The following CHAF1A variants were observed in gnomAD, a reference collection of about 807,000 sequenced individuals.
CHAF1A encodes chromatin assembly factor 1 subunit A.
A neutral mutation model predicts 93.2 loss-of-function variants in CHAF1A; 5 were observed. The observed-to-expected ratio is 0.05, with a 90% CI of 0.03 to 0.11. The LOEUF is 0.11. Ranked by LOEUF, CHAF1A falls within the 10% of genes least tolerant of loss-of-function variation. CHAF1A has a pLI of 1.00. For missense variants in CHAF1A, 1,102 were observed against 1,259.9 expected (o/e 0.87, Z 1.90); for synonymous variants, 504 against 510.3 (o/e 0.99, Z 0.17).
At chr19:4,412,637 G>A (rs1973826703) in intron 3 of CHAF1A, among the ~76,000 whole-genome samples, 1 of 152,142 alleles carries the variant, frequency 6.6e-6, no homozygotes, top group Non-Finnish European at 1.5e-5. Context: ...AAGTCCCCTC[G>A]TTGGGCATCA....
At chr19:4,406,271 C>T (rs1973678216) in intron 2 of CHAF1A, among the ~76,000 whole-genome samples, 1 of 152,146 alleles carries the variant, frequency 6.6e-6, no homozygotes, top group Non-Finnish European at 1.5e-5. Flanking sequence ...TCCTCCAAGT[C>T]GTAACAACCA....
At chr19:4,437,359 T>C (rs978146391) in intron 13 of CHAF1A, among the ~76,000 whole-genome samples, 1 of 151,976 alleles carries the variant, frequency 6.6e-6, no homozygotes, top group East Asian at 1.9e-4. Flanking sequence ...TGGCATCCTC[T>C]GTTTTTTTTT....
rs2145134044 is a variant in CHAF1A, at chr19:4,433,298, G to A, written c.2432G>A (p.Arg811Gln). Residue 811 changes from arginine (R) to glutamine (Q), a missense_variant, in exon 13 of 15, where the codon CGG becomes CAG. Coordinates refer to ENST00000301280, the MANE Select transcript of CHAF1A (RefSeq NM_005483.3). The surrounding 1 kb of genome is among the most constrained non-coding windows in gnomAD (Gnocchi z 5.6). ...LISENSVYEKRPDFRMCWYVH... is the reference protein window; with the variant it reads ...LISENSVYEKQPDFRMCWYVH... ...TCCGAGAACTCAGTGTATGAGAAGC[G>A]GCCTGACTTCAGGATGTGCTGGTAC... is the stretch of plus-strand genomic sequence containing the variant. 2 of 1,614,174 alleles carry A rather than the reference G, an allele frequency of 1.2e-6. No homozygotes were observed. The highest frequency in any genetic ancestry group is 1.7e-6 in the Non-Finnish European group (2 of 1,180,042).
At chr19:4,407,013 G>A (rs1248151762) in intron 2 of CHAF1A, among the ~76,000 whole-genome samples, 1 of 152,052 alleles carries the variant, frequency 6.6e-6, no homozygotes, top group Non-Finnish European at 1.5e-5. Context: ...TCTGAGCTCA[G>A]GAGTTTGAAA....
downstream of CHAF1A, chr19:4,446,232 A>G: frequency 6.3e-7 from 1 of 1,577,792 alleles, no homozygotes; most frequent in African/African-American, 1.3e-5. Flanking sequence ...GGTGGGGCCC[A>G]GGGCCCCCTA....
chr19:4,427,913 G>A (rs538764070), intron 7 of CHAF1A, among the ~76,000 whole-genome samples: 6 of 152,108 alleles, frequency 3.9e-5, no homozygotes, highest in East Asian at 3.9e-4. Context: ...TAGTAGAGAC[G>A]GGGTTTCACC....
downstream of CHAF1A, among the ~76,000 whole-genome samples, chr19:4,443,992 G>A (rs1272295778): frequency 3.9e-5 from 6 of 152,196 alleles, no homozygotes; most frequent in East Asian, 1.2e-3. Flanking sequence ...CATCCACCCA[G>A]TCAGGGACGG....
downstream of CHAF1A, chr19:4,446,422 G>A (rs752766527): frequency 1.8e-5 from 29 of 1,576,966 alleles, no homozygotes; most frequent in East Asian, 4.5e-5. Flanking sequence ...ACCTGCACAC[G>A]CGGGCCAGGT....
downstream of CHAF1A, chr19:4,445,609 G>C: frequency 6.2e-7 from 1 of 1,613,278 alleles, no homozygotes. Flanking sequence ...AGAAGGTCAG[G>C]AGGGCAGAGG....
intron 3 of CHAF1A, among the ~76,000 whole-genome samples, chr19:4,410,842 C>A (rs898163109): frequency 2.5e-4 from 38 of 152,108 alleles, no homozygotes; most frequent in African/African-American, 8.5e-4. Context: ...CAGAGCGAGA[C>A]CCCATCTGGA....
At chr19:4,448,191 C>T (rs551072102), downstream of CHAF1A, 55 of 829,890 alleles carry the variant, frequency 6.6e-5, no homozygotes, top group Middle Eastern at 5.7e-4. Context: ...GCCTCACTCT[C>T]GGCCTATGCT....
At position 4,408,913 on chromosome 19, in the gene CHAF1A, G is replaced by T. The variant is rs144933262; in HGVS notation, c.114G>T (p.Pro38=). The T allele has an allele frequency of 6.2e-7, 1 of 1,603,582 alleles. No homozygotes were observed. The highest frequency in any genetic ancestry group is 8.5e-7 in the Non-Finnish European group (1 of 1,176,488). Residue 38 remains proline (P), a synonymous_variant, in exon 3 of 15, where the codon CCG becomes CCT. Transcript: ENST00000301280. Reference sequence around the variant, plus strand: ...CTGTCTTTGTTTCAGCCCGTCTGCCGTTTAAGCGCCTGAATCTTGTCCCAA... The same window carrying T: ...CTGTCTTTGTTTCAGCCCGTCTGCCTTTTAAGCGCCTGAATCTTGTCCCAA... ...PVKKLIQARL[P]FKRLNLVPKG...
intron 3 of CHAF1A, among the ~76,000 whole-genome samples, chr19:4,412,546 AG>A (rs1599641186): frequency 6.6e-6 from 1 of 152,256 alleles, no homozygotes; most frequent in East Asian, 1.9e-4. Context: ...CTCCGTCTCA[AG>A]AAAAAAAAAA....
At position 4,443,014 on chromosome 19, in the gene CHAF1A, G is replaced by C; in HGVS notation, c.2860G>C (p.Gly954Arg). 1 of 1,588,314 alleles carries C rather than the reference G, an allele frequency of 6.3e-7. No individual in the cohort carries two copies. Among genetic ancestry groups the C allele is most frequent in the Non-Finnish European group, 8.6e-7 (1 of 1,166,512 alleles). The change falls in exon 15 of 15, where the codon GGT becomes CGT. Residue 954 changes from glycine to arginine, a missense_variant. Transcript: ENST00000301280. ...GGCCACCCTGACCGCGAGCCCACTGGGTGCATCCTGAGAGCAGGGGTGACG... is the reference window on the plus strand; with the variant it reads ...GGCCACCCTGACCGCGAGCCCACTGCGTGCATCCTGAGAGCAGGGGTGACG... Reference protein sequence around the residue: ...GKATLTASPLGAS With the variant: ...GKATLTASPLRAS
chr19:4,411,642 A>ATTTTTTTTTTTTTTTTTTT (rs1202069647), intron 3 of CHAF1A, among the ~76,000 whole-genome samples: 65 of 38,018 alleles, frequency 1.7e-3, no homozygotes, highest in Non-Finnish European at 2.8e-3. Flanking sequence ...AATGGTGCAA[A>ATTTTTTTTTTTTTTTTTTT]TCTTTTTTTT....
At chr19:4,421,512 C>G (rs1973990566) in intron 4 of CHAF1A, among the ~76,000 whole-genome samples, 1 of 152,142 alleles carries the variant, frequency 6.6e-6, no homozygotes. Context: ...TGCTGGGGCT[C>G]ATGCCTATAA....
intron 7 of CHAF1A, among the ~76,000 whole-genome samples, chr19:4,424,161 C>T (rs998697360): frequency 1.3e-5 from 2 of 152,152 alleles, no homozygotes; most frequent in African/African-American, 4.8e-5. Flanking sequence ...TGTTTTTACC[C>T]TTGGGAAACT....
chr19:4,434,053 C>T (rs887930669), intron 13 of CHAF1A, among the ~76,000 whole-genome samples: 2 of 152,074 alleles, frequency 1.3e-5, no homozygotes, highest in African/African-American at 4.8e-5. Flanking sequence ...TGGTTACAAT[C>T]AGTGCACCTC....
At chr19:4,436,951 C>T (rs1974294916) in intron 13 of CHAF1A, among the ~76,000 whole-genome samples, 1 of 152,202 alleles carries the variant, frequency 6.6e-6, no homozygotes. Flanking sequence ...CATCCCTAAC[C>T]ACAAGGAAAG....
Sources: gnomAD v4.1 joint callset for allele counts (sites outside exome capture counted in the v4.1 genomes callset) on GRCh38, gnomAD v4.1.1 for gene constraint, Gnocchi (gnomAD v3.1) non-coding constraint, MANE v1.5 for transcripts, NCBI Gene and HGNC (gene_info 2026-07-23, HGNC 2026-07-21) for gene names.